CAMTA1: variants seen among roughly 807,000 people sequenced by gnomAD.
The protein encoded by CAMTA1 is calmodulin-binding transcription activator 1.
In CAMTA1, 27 loss-of-function variants were observed where a neutral mutation model predicts 170.9. That is an observed-to-expected ratio of 0.16 (90% CI 0.12 to 0.22). The LOEUF is 0.22. Ranked by LOEUF, CAMTA1 falls within the 10% of genes least tolerant of loss-of-function variation. CAMTA1 has a pLI of 1.00. For missense variants in CAMTA1, 1,619 were observed against 2,217.2 expected (o/e 0.73, Z 5.42); for synonymous variants, 833 against 891.5 (o/e 0.93, Z 1.17).
chr1:7,734,441 T>C (rs1362408088), intron 12 of CAMTA1, among the ~76,000 whole-genome samples: 1 of 152,192 alleles, frequency 6.6e-6, no homozygotes, highest in Non-Finnish European at 1.5e-5. Context: ...TCTCATCCCA[T>C]GTTAACCACT....
chr1:6,935,054 T>A (rs1184982458), intron 3 of CAMTA1, among the ~76,000 whole-genome samples: 2 of 152,230 alleles, frequency 1.3e-5, no homozygotes, highest in Non-Finnish European at 2.9e-5. Flanking sequence ...TAGTCAATCA[T>A]ACATTAAATT....
chr1:7,719,522 C>T (rs562825954), intron 11 of CAMTA1, among the ~76,000 whole-genome samples: 1 of 152,316 alleles, frequency 6.6e-6, no homozygotes, highest in Admixed American at 6.5e-5. Flanking sequence ...TCCTAAGCAG[C>T]ATTGCTCATT....
At chr1:7,244,700 A>G (rs527305279) in intron 4 of CAMTA1, among the ~76,000 whole-genome samples, 21 of 148,812 alleles carry the variant, frequency 1.4e-4, no homozygotes, top group South Asian at 9.1e-4. Context: ...ATGAGAGCCC[A>G]TGGACACAGG....
chr1:6,894,639 A>G (rs910415284), intron 3 of CAMTA1, among the ~76,000 whole-genome samples: 2 of 152,180 alleles, frequency 1.3e-5, no homozygotes, highest in African/African-American at 2.4e-5. Context: ...TCTGATTTAG[A>G]TGTTTAATAG....
In CAMTA1 at chr1:7,214,441, A is replaced by C. The variant is rs1426274986; in HGVS notation, c.303-35050A>C. Among the ~76,000 whole-genome samples, 6 of 152,192 alleles carry C rather than the reference A, an allele frequency of 3.9e-5. No homozygotes were observed. In the South Asian group the frequency reaches 1.2e-3, roughly 32 times the overall value. ...GAGTGCAGTGGTGCAATCTCAGCTC[A>C]CTGCAACCTACACTTCCCGGGTTCA... On this transcript the variant is annotated intron_variant, in intron 4 of 22. Coordinates refer to ENST00000303635, the MANE Select transcript of CAMTA1 (RefSeq NM_015215.4).
chr1:7,300,852 T>C lies in CAMTA1; in HGVS notation c.438+51226T>C, dbSNP rs1020274781. 3.3e-5 allele frequency among the ~76,000 whole-genome samples: 5 copies of C among 152,196 alleles called. No homozygotes were observed. Among genetic ancestry groups the C allele is most frequent in the African/African-American group, 1.2e-4 (5 of 41,452 alleles). On this transcript the variant is annotated intron_variant, in intron 5 of 22. Coordinates refer to ENST00000303635, the MANE Select transcript of CAMTA1 (RefSeq NM_015215.4). This position sits in a 1 kb window ranked among gnomAD's most constrained non-coding sequence, Gnocchi z 4.1. Reference sequence around the variant, plus strand: ...TCCATAGTCTGTGTTGCACTCAAAGTAAATATTAATTCCATTATGCCATAA... The same window carrying C: ...TCCATAGTCTGTGTTGCACTCAAAGCAAATATTAATTCCATTATGCCATAA...
At position 7,674,577 on chromosome 1, in the gene CAMTA1, G is replaced by A. The variant is rs528772042; in HGVS notation, c.2780-3022G>A. Among the ~76,000 whole-genome samples, 4 of 152,090 alleles carry A rather than the reference G, an allele frequency of 2.6e-5. No homozygotes were observed. The highest frequency in any genetic ancestry group is 2.4e-5 in the African/African-American group (1 of 41,414). On this transcript the variant is annotated intron_variant, in intron 10 of 22. Transcript: ENST00000303635. This position sits in a 1 kb window ranked among gnomAD's most constrained non-coding sequence, Gnocchi z 4.1. ...GCGGATCACTTGAAGTCAGGAGTTC[G>A]AGACCAGCCTGACCGACATGGTGAA...
At chr1:7,667,478 G>T (rs2096011639) in intron 9 of CAMTA1, among the ~76,000 whole-genome samples, 1 of 152,128 alleles carries the variant, frequency 6.6e-6, no homozygotes, top group Non-Finnish European at 1.5e-5. Context: ...CCAGTCCTAG[G>T]ACCTGGGAGA....
At chr1:7,559,519 G>A (rs563050389) in intron 6 of CAMTA1, among the ~76,000 whole-genome samples, 103 of 152,344 alleles carry the variant, frequency 6.8e-4, no homozygotes, top group African/African-American at 2.2e-3. Context: ...AGAGGGAAGC[G>A]GGGAGCCTGC....
intron 4 of CAMTA1, among the ~76,000 whole-genome samples, chr1:7,125,011 A>AC (rs1463717804): frequency 6.6e-6 from 1 of 152,132 alleles, no homozygotes; most frequent in African/African-American, 2.4e-5. Flanking sequence ...AGCTGTGAGC[A>AC]CCCAGGGAGC....
intron 3 of CAMTA1, among the ~76,000 whole-genome samples, chr1:6,884,628 C>T (rs1187432262): frequency 1.3e-5 from 2 of 152,134 alleles, no homozygotes; most frequent in South Asian, 2.1e-4. Flanking sequence ...CCAAAGAATT[C>T]TTCTCAAAAA....
intron 7 of CAMTA1, among the ~76,000 whole-genome samples, chr1:7,645,470 G>A (rs940111815): frequency 1.3e-5 from 2 of 152,268 alleles, no homozygotes; most frequent in Non-Finnish European, 2.9e-5. Flanking sequence ...AGTGAGTGGC[G>A]AGGGCATGAC....
intron 10 of CAMTA1, among the ~76,000 whole-genome samples, chr1:7,675,953 T>C (rs1023592563): frequency 6.6e-6 from 1 of 152,208 alleles, no homozygotes; most frequent in Non-Finnish European, 1.5e-5. Context: ...CTGCAGGTTG[T>C]GCACTTGCCA....
intron 1 of CAMTA1, among the ~76,000 whole-genome samples, chr1:6,787,446 A>G (rs973636158): frequency 1.3e-5 from 2 of 152,256 alleles, no homozygotes; most frequent in African/African-American, 4.8e-5. Context: ...GAACCAGATC[A>G]TGATGCTATA....
At chr1:6,972,285 T>G (rs1294975286) in intron 3 of CAMTA1, among the ~76,000 whole-genome samples, 1 of 152,236 alleles carries the variant, frequency 6.6e-6, no homozygotes, top group Non-Finnish European at 1.5e-5. Flanking sequence ...AAGTCCCGTG[T>G]GTGCTCCTAG....
Position 6,924,446 on chromosome 1 carries a change from C to A in CAMTA1, c.234+99236C>A, listed in dbSNP as rs146639433. Among the ~76,000 whole-genome samples, 958 of 152,232 alleles carry A rather than the reference C, an allele frequency of 6.3e-3. 10 individuals carry two copies. The highest frequency in any genetic ancestry group is 0.021 in the African/African-American group (884 of 41,530). On this transcript the variant is annotated intron_variant, in intron 3 of 22. Transcript: ENST00000303635. ...CAGTGGTGCCCACCCCACCCCTGAGCTGGGGCTGAGGGCTCCACGACTTTC... is the reference window on the plus strand; with the variant it reads ...CAGTGGTGCCCACCCCACCCCTGAGATGGGGCTGAGGGCTCCACGACTTTC...
At chr1:7,753,682 A>G (rs1476023416) in intron 21 of CAMTA1, among the ~76,000 whole-genome samples, 2 of 152,228 alleles carry the variant, frequency 1.3e-5, no homozygotes, top group Non-Finnish European at 2.9e-5. Flanking sequence ...GGAAACATGC[A>G]CAGCCACTGC....
At chr1:6,953,686 C>T (rs961614334) in intron 3 of CAMTA1, among the ~76,000 whole-genome samples, 2 of 152,182 alleles carry the variant, frequency 1.3e-5, no homozygotes, top group African/African-American at 2.4e-5. Context: ...GATGGAAAAA[C>T]CCAAGGGTAT....
At chr1:6,990,965 A>T (rs1014698319) in intron 3 of CAMTA1, among the ~76,000 whole-genome samples, 6 of 152,008 alleles carry the variant, frequency 3.9e-5, no homozygotes, top group Non-Finnish European at 8.8e-5. Context: ...TATTGTACCT[A>T]ATACGTAGCT....
Sources: gnomAD v4.1 joint callset for allele counts (sites outside exome capture counted in the v4.1 genomes callset) on GRCh38, gnomAD v4.1.1 for gene constraint, Gnocchi (gnomAD v3.1) non-coding constraint, MANE v1.5 for transcripts, NCBI Gene and HGNC (gene_info 2026-07-23, HGNC 2026-07-21) for gene names.